AFF3: variants seen among roughly 807,000 people sequenced by gnomAD.
AFF3 encodes ALF transcription elongation factor 3, also known as AF4/FMR2 family member 3.
In AFF3, 32 loss-of-function variants were observed where a neutral mutation model predicts 129.7. The ratio of observed to expected loss-of-function variants is 0.25; its 90% CI spans 0.19 to 0.33. The LOEUF (loss-of-function observed/expected upper bound fraction) is 0.33. Ranked by LOEUF, AFF3 falls within the 10% of genes least tolerant of loss-of-function variation. AFF3 has a pLI of 1.00. For missense variants in AFF3, 1,373 were observed against 1,592.0 expected (o/e 0.86, Z 2.34); for synonymous variants, 644 against 635.4 (o/e 1.01, Z -0.20).
At chr2:100,012,362 C>A (rs1281799416) in intron 4 of AFF3, among the ~76,000 whole-genome samples, 2 of 152,198 alleles carry the variant, frequency 1.3e-5, no homozygotes, top group African/African-American at 2.4e-5. Flanking sequence ...CCTACCCATT[C>A]CTTCTCTTTA....
chr2:100,127,356 G>A (rs574188171), intron 2 of AFF3, among the ~76,000 whole-genome samples: 2 of 152,180 alleles, frequency 1.3e-5, no homozygotes, highest in Non-Finnish European at 2.9e-5. Context: ...TGATGTGGGT[G>A]GGGGTGAAGG....
At chr2:100,081,686 GAC>G (rs1689061729) in intron 4 of AFF3, among the ~76,000 whole-genome samples, 1 of 152,190 alleles carries the variant, frequency 6.6e-6, no homozygotes, top group Non-Finnish European at 1.5e-5. Context: ...CACACTTTCT[GAC>G]ACACAGAATC....
intron 8 of AFF3, among the ~76,000 whole-genome samples, chr2:99,778,895 CGCGTGTGTGTGTGTGTGTGTGTGTGT>C (rs1402629540): frequency 4.4e-5 from 6 of 137,134 alleles, no homozygotes; most frequent in Non-Finnish European, 9.2e-5. Flanking sequence ...TGTGTGTGTG[CGCGTGTGTGTGTGTGTGTGTGTGTGT>C]GTGTGTGTGT....
intron 7 of AFF3, among the ~76,000 whole-genome samples, chr2:99,916,638 A>G (rs923199656): frequency 2.0e-5 from 3 of 152,188 alleles, no homozygotes; most frequent in Non-Finnish European, 2.9e-5. Flanking sequence ...GTATGCAAGC[A>G]CAGTACAACC....
intron 13 of AFF3, among the ~76,000 whole-genome samples, chr2:99,627,364 A>G (rs1682691665): frequency 6.6e-6 from 1 of 151,932 alleles, no homozygotes; most frequent in Admixed American, 6.6e-5. Flanking sequence ...TGTTGGCCGC[A>G]TGTATGTCTT....
chr2:99,997,438 T>TA, intron 7 of AFF3, among the ~76,000 whole-genome samples: 1 of 151,312 alleles, frequency 6.6e-6, no homozygotes, highest in Non-Finnish European at 1.5e-5. Context: ...AATCCAATCT[T>TA]ACCATCTTTG....
At position 99,720,050 on chromosome 2, in the gene AFF3, T is replaced by C. The variant is rs143044551; in HGVS notation, c.1091+7027A>G. Among the ~76,000 whole-genome samples, 752 of 152,232 alleles carry C rather than the reference T, an allele frequency of 4.9e-3. 6 individuals are homozygous for C. Among genetic ancestry groups the C allele is most frequent in the African/African-American group, 0.017 (701 of 41,546 alleles). ...AGACTCCGTATCAAAAATAAATAAA[T>C]AAACAAACAAACAAATAAATAAAGT... On this transcript the variant is annotated intron_variant, in intron 11 of 24. Coordinates refer to ENST00000672756, the MANE Select transcript of AFF3 (RefSeq NM_001386135.1).
chr2:100,004,080 T>C (rs189603950), intron 7 of AFF3, among the ~76,000 whole-genome samples: 1 of 152,226 alleles, frequency 6.6e-6, no homozygotes, highest in Non-Finnish European at 1.5e-5. Flanking sequence ...TATTTTTGTA[T>C]GGCCCTCCTT....
chr2:99,576,221 C>T (rs548845062), intron 18 of AFF3, among the ~76,000 whole-genome samples: 1 of 151,420 alleles, frequency 6.6e-6, no homozygotes, highest in African/African-American at 2.4e-5. Context: ...TTAGTAGAGA[C>T]AAGATTTCAC....
At chr2:99,659,112 C>T (rs1686006315) in intron 12 of AFF3, among the ~76,000 whole-genome samples, 1 of 152,186 alleles carries the variant, frequency 6.6e-6, no homozygotes, top group Admixed American at 6.5e-5. Flanking sequence ...AAGTAGCTGT[C>T]TGGGTTAGGT....
At chr2:99,675,762 G>A (rs1687549364) in intron 11 of AFF3, among the ~76,000 whole-genome samples, 1 of 152,186 alleles carries the variant, frequency 6.6e-6, no homozygotes, top group African/African-American at 2.4e-5. Flanking sequence ...CAGACAGCAG[G>A]CATGGCCGCC....
intron 7 of AFF3, among the ~76,000 whole-genome samples, chr2:99,976,408 C>T (rs1378080872): frequency 6.6e-6 from 1 of 152,116 alleles, no homozygotes; most frequent in Non-Finnish European, 1.5e-5. Context: ...GCATCGTTCC[C>T]GCAGATATAC....
chr2:99,798,636 A>G (rs1685715952), intron 8 of AFF3, among the ~76,000 whole-genome samples: 1 of 151,994 alleles, frequency 6.6e-6, no homozygotes, highest in African/African-American at 2.4e-5. Flanking sequence ...ACATGCTAAC[A>G]TTAATCAAAA....
intron 4 of AFF3, among the ~76,000 whole-genome samples, chr2:100,081,836 G>T (rs1359420586): frequency 6.6e-6 from 1 of 152,068 alleles, no homozygotes; most frequent in Non-Finnish European, 1.5e-5. Flanking sequence ...TTATAGACAT[G>T]AAAATAAAAA....
intron 11 of AFF3, among the ~76,000 whole-genome samples, chr2:99,709,737 C>T (rs1483596947): frequency 1.3e-5 from 2 of 152,056 alleles, no homozygotes; most frequent in Non-Finnish European, 2.9e-5. Context: ...TTGTTTCACC[C>T]TACTTATTAT....
chr2:100,000,939 G>A (rs896818441), intron 7 of AFF3, among the ~76,000 whole-genome samples: 2 of 152,124 alleles, frequency 1.3e-5, no homozygotes, highest in Non-Finnish European at 1.5e-5. Flanking sequence ...CTTTTCTCAC[G>A]AAACTGGAAG....
At chr2:99,579,954 GTAGCACTGTAAGGGT>G (rs543078211) in intron 17 of AFF3, among the ~76,000 whole-genome samples, 135 of 152,354 alleles carry the variant, frequency 8.9e-4, no homozygotes, top group African/African-American at 3.0e-3. Context: ...GCTTTTACGT[GTAGCACTGTAAGGGT>G]TAGAGTCTAC....
chr2:99,824,591 C>T (rs758399257), intron 8 of AFF3, among the ~76,000 whole-genome samples: 1 of 152,184 alleles, frequency 6.6e-6, no homozygotes, highest in African/African-American at 2.4e-5. Flanking sequence ...GAGAGAAATA[C>T]ACACACTTGC....
chr2:100,023,795 T>C (rs1181694760), intron 4 of AFF3, among the ~76,000 whole-genome samples: 5 of 152,198 alleles, frequency 3.3e-5, no homozygotes, highest in African/African-American at 9.6e-5. Context: ...CATCAATACC[T>C]AAATGAAAGA....
Sources: allele counts gnomAD v4.1 joint callset (sites outside exome capture counted in the v4.1 genomes callset), GRCh38; gene constraint gnomAD v4.1.1; transcripts MANE v1.5; gene names NCBI Gene and HGNC (gene_info 2026-07-23, HGNC 2026-07-21).